The following MED12L variants were observed in gnomAD, a reference collection of about 807,000 sequenced individuals.
The protein encoded by MED12L is mediator of RNA polymerase II transcription subunit 12-like protein.
In MED12L, 60 loss-of-function variants were observed where a neutral mutation model predicts 281.3. The observed-to-expected ratio is 0.21, with a 90% confidence interval of 0.17 to 0.26. The LOEUF (loss-of-function observed/expected upper bound fraction) is 0.26, where lower values mean the gene tolerates loss of function less well. Ranked by LOEUF, MED12L falls within the 10% of genes least tolerant of loss-of-function variation. The pLI, the probability that MED12L is intolerant of heterozygous loss-of-function variation, is 1.00. For missense variants in MED12L, 2,146 were observed against 2,680.9 expected (o/e 0.80, Z 4.41); for synonymous variants, 974 against 987.2 (o/e 0.99, Z 0.25).
Position 151,243,408 on chromosome 3 carries a change from A to G in MED12L, c.2250+49742A>G, listed in dbSNP as rs551587206. ...TCAAAGGGAAGCCCATCAGACTAACAGCGGATCTCTCGGCAGAAACCCTAC... is the reference window on the plus strand; with the variant it reads ...TCAAAGGGAAGCCCATCAGACTAACGGCGGATCTCTCGGCAGAAACCCTAC... On this transcript the variant is annotated intron_variant, in intron 16 of 44. Transcript: ENST00000687756. 4.0e-3 allele frequency among the ~76,000 whole-genome samples: 183 copies of G among 45,212 alleles called. 2 individuals are homozygous for G. The highest frequency in any genetic ancestry group is 0.025 in the African/African-American group (162 of 6,602). 29.7% of individuals were successfully genotyped at this position (45,212 alleles called of 152,430 possible).
At chr3:151,260,877 G>T (rs749077099) in intron 16 of MED12L, among the ~76,000 whole-genome samples, 1 of 152,038 alleles carries the variant, frequency 6.6e-6, no homozygotes, top group Non-Finnish European at 1.5e-5. Flanking sequence ...GACGTTTCCA[G>T]TAAAGTCAAC....
chr3:151,125,839 G>C (rs577858050), intron 4 of MED12L, among the ~76,000 whole-genome samples: 3 of 152,196 alleles, frequency 2.0e-5, no homozygotes, highest in African/African-American at 7.2e-5. Flanking sequence ...TTGTCTAAAA[G>C]AGATAAAATT....
intron 16 of MED12L, among the ~76,000 whole-genome samples, chr3:151,281,464 G>A (rs1742803600): frequency 6.6e-6 from 1 of 151,916 alleles, no homozygotes; most frequent in South Asian, 2.1e-4. Flanking sequence ...TAGCAACGTA[G>A]GTAATGACTC....
In MED12L at chr3:151,165,504, C is replaced by G; in HGVS notation, c.1342C>G (p.Gln448Glu). ...AGTTCGGTGGTCATTTGACAAGTGC[C>G]AAGAATCCACAGCAGGTACAGAATG... ...VEVRWSFDKC[Q>E]ESTAGVTISR... is the part of the protein sequence containing the mutation. Residue 448 changes from glutamine (Q) to glutamate (E), a missense_variant, in exon 10 of 45, where the codon CAA (glutamine) becomes GAA (glutamate). Physicochemically the swap from Gln to Glu is conservative, Grantham distance 29 (BLOSUM62 2). Around this residue, in one of 9 missense-constraint regions of MED12L, gnomAD observed 722 missense variants for 861.2 expected, o/e 0.84. Coordinates refer to ENST00000687756, the MANE Select transcript of MED12L (RefSeq NM_001393769.1). 1 of 1,612,820 alleles carries G rather than the reference C, an allele frequency of 6.2e-7. No individual in the cohort carries two copies. The highest frequency in any genetic ancestry group is 8.5e-7 in the Non-Finnish European group (1 of 1,178,992).
intron 39 of MED12L, among the ~76,000 whole-genome samples, chr3:151,408,065 A>G (rs1716531938): frequency 6.6e-6 from 1 of 152,220 alleles, no homozygotes. Context: ...TCTCATGATA[A>G]TGGAAAGAGC....
At chr3:151,290,094 T>C (rs1744047105) in intron 16 of MED12L, among the ~76,000 whole-genome samples, 1 of 152,164 alleles carries the variant, frequency 6.6e-6, no homozygotes. Flanking sequence ...GGTTTCACCA[T>C]GTTGGCCAGG....
chr3:151,104,213 A>G (rs1721733910), intron 2 of MED12L, among the ~76,000 whole-genome samples: 1 of 152,128 alleles, frequency 6.6e-6, no homozygotes, highest in African/African-American at 2.4e-5. Flanking sequence ...CTTTGATGCA[A>G]ATGTGGCTCT....
intron 16 of MED12L, chr3:151,328,450 C>G: frequency 6.2e-7 from 1 of 1,613,602 alleles, no homozygotes; most frequent in Non-Finnish European, 8.5e-7. Flanking sequence ...GCCATTTCAG[C>G]CCCAGAGGCC....
intron 3 of MED12L, among the ~76,000 whole-genome samples, chr3:151,118,819 G>A (rs1486366971): frequency 1.3e-5 from 2 of 151,880 alleles, no homozygotes; most frequent in African/African-American, 2.4e-5. Flanking sequence ...TCAGCCTCCC[G>A]AGTAGCTGGC....
intron 16 of MED12L, among the ~76,000 whole-genome samples, chr3:151,235,568 C>T (rs1732576529): frequency 6.6e-6 from 1 of 151,930 alleles, no homozygotes; most frequent in Non-Finnish European, 1.5e-5. Flanking sequence ...GCTGGGCGTG[C>T]CTGTAATCCC....
intron 13 of MED12L, among the ~76,000 whole-genome samples, chr3:151,188,888 A>G (rs1326637355): frequency 1.3e-5 from 2 of 152,108 alleles, no homozygotes; most frequent in Non-Finnish European, 2.9e-5. Context: ...CAAGGAAGTA[A>G]TTTATAGATG....
intron 23 of MED12L, among the ~76,000 whole-genome samples, 185 bp downstream of exon 23, chr3:151,366,176 T>A (rs1213218134): frequency 1.3e-5 from 2 of 152,064 alleles, no homozygotes; most frequent in African/African-American, 2.4e-5. Flanking sequence ...TGAAAAAAAA[T>A]AGAAATAAAT....
intron 42 of MED12L, among the ~76,000 whole-genome samples, chr3:151,416,075 G>A (rs1163466788): frequency 2.6e-5 from 4 of 152,206 alleles, no homozygotes; most frequent in African/African-American, 7.2e-5. Flanking sequence ...AGTACTGACT[G>A]CCAGTGGAAG....
intron 16 of MED12L, among the ~76,000 whole-genome samples, chr3:151,240,036 A>G (rs1429720458): frequency 2.3e-5 from 1 of 43,238 alleles, no homozygotes; most frequent in African/African-American, 1.5e-4. Flanking sequence ...TCTTTCTCCC[A>G]CCTTTTTTTT....
Position 151,380,186 on chromosome 3 carries a change from G to A in MED12L, c.4552G>A (p.Glu1518Lys), listed in dbSNP as rs1712002138. 1.9e-6 allele frequency: 3 copies of A among 1,610,040 alleles called. No individual in the cohort carries two copies. The highest frequency in any genetic ancestry group is 1.7e-6 in the Non-Finnish European group (2 of 1,178,574). The stretch of plus-strand genomic sequence containing the variant: ...CCTTAAGGGACAAGATGAACAAAGG[G>A]AAGGCCTCCTAACATCTCTCCAGAA... ...TCLKGQDEQR[E>K]GLLTSLQNQV... Residue 1518 changes from glutamate (E) to lysine (K), a missense_variant, in exon 32 of 45, where the codon GAA (glutamate) becomes AAA (lysine). Transcript: ENST00000687756.
Position 151,331,429 on chromosome 3 carries a change from C to T in MED12L, c.2251-18630C>T, listed in dbSNP as rs572679871. Among the ~76,000 whole-genome samples the T allele has an allele frequency of 2.6e-5, 4 of 152,244 alleles. No individual in the cohort carries two copies. In the South Asian group the frequency reaches 8.3e-4, roughly 32 times the overall value. On this transcript the variant is annotated intron_variant, in intron 16 of 44. Coordinates refer to ENST00000687756, the MANE Select transcript of MED12L (RefSeq NM_001393769.1). ...CTTATGCCCACTATGAAATGGTTGC[C>T]TTATCTTTACAATAAAAATAAATAA...
At position 151,172,205 on chromosome 3, in the gene MED12L, A is replaced by G. The variant is rs73869148; in HGVS notation, c.1494+6223A>G. Among the ~76,000 whole-genome samples the G allele has an allele frequency of 8.5e-3, 1,296 of 152,300 alleles. 21 individuals carry two copies. The highest frequency in any genetic ancestry group is 0.029 in the African/African-American group (1,215 of 41,558). ...CAGTTTAGTGTATTTCTTTAGGGAC[A>G]TTGGACAATTCACGTATTTTTGATG... On this transcript the variant is annotated intron_variant, in intron 11 of 44. Coordinates refer to ENST00000687756, the MANE Select transcript of MED12L (RefSeq NM_001393769.1).
At chr3:151,164,202 C>T (rs1237490756) in intron 9 of MED12L, among the ~76,000 whole-genome samples, 160 bp downstream of exon 9, 3 of 152,188 alleles carry the variant, frequency 2.0e-5, no homozygotes, top group East Asian at 3.9e-4. Context: ...TTAGCCTCTT[C>T]AGAACCACTG....
At chr3:151,358,310 T>G (rs933453977) in intron 20 of MED12L, among the ~76,000 whole-genome samples, 1 of 152,092 alleles carries the variant, frequency 6.6e-6, no homozygotes, top group Non-Finnish European at 1.5e-5. Flanking sequence ...AGAGAATTAT[T>G]TAATAACTCA....
Sources: gnomAD v4.1 joint callset for allele counts (sites outside exome capture counted in the v4.1 genomes callset) on GRCh38, gnomAD v4.1.1 for gene constraint, gnomAD v4.1.1 regional missense constraint, MANE v1.5 for transcripts, NCBI Gene and HGNC (gene_info 2026-07-23, HGNC 2026-07-21) for gene names.